BEND3: variants seen among roughly 807,000 people sequenced by gnomAD.
BEND3 encodes BEN domain-containing protein 3.
A neutral mutation model predicts 60.1 loss-of-function variants in BEND3; 13 were observed. The ratio of observed to expected loss-of-function variants is 0.22; its 90% confidence interval spans 0.14 to 0.34. The LOEUF (loss-of-function observed/expected upper bound fraction) is 0.34. Among genes scored for constraint, BEND3 ranks in the 10% least tolerant of loss-of-function variants. The pLI is 1.00. For synonymous variants in BEND3, 497 were observed against 491.5 expected (o/e 1.01, Z -0.15); for missense variants, 896 against 1,138.1 (o/e 0.79, Z 3.06).
Position 107,070,632 on chromosome 6 carries a change from C to A in BEND3, c.559G>T (p.Asp187Tyr). 6.2e-7 allele frequency: 1 copy of A among 1,612,174 alleles called. No homozygotes were observed. The highest frequency in any genetic ancestry group is 1.1e-5 in the South Asian group (1 of 90,998). ...AGGAAGTAGATGTTGGGGTCGTTGT[C>A]AGTGCCTGCCCCGGTGCTGCCACAG... Reference protein sequence around the residue: ...RDCGSTGAGTDNDPNIYFLIQ... With the variant: ...RDCGSTGAGTYNDPNIYFLIQ... The change falls in exon 4 of 4, where the codon GAC (aspartate) becomes TAC (tyrosine). Residue 187 changes from aspartate to tyrosine, a missense_variant. Physicochemically the swap from Asp to Tyr is radical, Grantham distance 160. Around this residue, in one of 4 missense-constraint regions of BEND3, gnomAD observed 846 missense variants for 1,036.7 expected, o/e 0.82. Coordinates refer to ENST00000369042, the MANE Select transcript of BEND3 (RefSeq NM_001367314.1). The surrounding 1 kb of genome is among the most constrained non-coding windows in gnomAD (Gnocchi z 6.9).
At chr6:107,096,448 C>T (rs1455880195) in intron 3 of BEND3, among the ~76,000 whole-genome samples, 6 of 151,810 alleles carry the variant, frequency 4.0e-5, no homozygotes, top group African/African-American at 1.5e-4. Flanking sequence ...CCTGTCTCTA[C>T]TAAAAATACA....
rs1554231334 is a variant in BEND3, at chr6:107,069,108, T to C, written c.2083A>G (p.Ser695Gly). The change falls in exon 4 of 4, where the codon AGC becomes GGC. Residue 695 changes from serine to glycine, a missense_variant. Around this residue, in one of 4 missense-constraint regions of BEND3, gnomAD observed 846 missense variants for 1,036.7 expected, o/e 0.82. Coordinates refer to ENST00000369042, the MANE Select transcript of BEND3 (RefSeq NM_001367314.1). ...AAGGGGATCTTGCAAAAGTCCTTGC[T>C]GCTCCTCTCGGGGGGCAGTGGGGGC... The part of the protein sequence containing the change: ...EGPPLPPERS[S>G]KDFCKIPLDE... The C allele has an allele frequency of 1.9e-6, 3 of 1,612,798 alleles. No individual in the cohort carries two copies. The highest frequency in any genetic ancestry group is 2.5e-6 in the Non-Finnish European group (3 of 1,179,980).
intron 3 of BEND3, among the ~76,000 whole-genome samples, chr6:107,095,670 TA>T (rs1775572029): frequency 6.6e-6 from 1 of 152,142 alleles, no homozygotes; most frequent in South Asian, 2.1e-4. Context: ...AATGAATAAA[TA>T]AACTCTGGTA....
At chr6:107,104,629 T>C (rs1281115712) in intron 1 of BEND3, among the ~76,000 whole-genome samples, 3 of 152,074 alleles carry the variant, frequency 2.0e-5, no homozygotes, top group Non-Finnish European at 4.4e-5. Flanking sequence ...ATAGTGGTTA[T>C]AGTGTATAGT....
At chr6:107,088,919 G>A (rs1301011518) in intron 3 of BEND3, among the ~76,000 whole-genome samples, 1 of 152,138 alleles carries the variant, frequency 6.6e-6, no homozygotes, top group Non-Finnish European at 1.5e-5. Context: ...CTTACCACAG[G>A]TGGATCATCT....
chr6:107,109,654 AC>A (rs1775899730), intron 1 of BEND3, among the ~76,000 whole-genome samples: 2 of 151,984 alleles, frequency 1.3e-5, no homozygotes, highest in Admixed American at 1.3e-4. Flanking sequence ...CGGACGGATC[AC>A]TTGCAGTCAG....
chr6:107,066,221 G>A lies in BEND3; in HGVS notation c.*2483C>T, dbSNP rs186512705. 7.2e-5 allele frequency: 11 copies of A among 152,090 alleles called. No individual in the cohort carries two copies. The highest frequency in any genetic ancestry group is 2.4e-4 in the African/African-American group (10 of 41,476). The allele number at this position is 152,090 out of a possible 1,614,324, so 9.4% of individuals were successfully genotyped here. ...TAAATTTTGAAAAAATAAGTATTTT[G>A]TACTTCTATTGCTTCATGTAAAAAA... On this transcript the variant is annotated 3_prime_UTR_variant, in exon 4 of 4. Coordinates refer to ENST00000369042, the MANE Select transcript of BEND3 (RefSeq NM_001367314.1).
In BEND3 at chr6:107,069,333, G is replaced by A. The variant is rs782237513; in HGVS notation, c.1858C>T (p.Leu620=). Residue 620 remains leucine (L), a synonymous_variant, in exon 4 of 4, where the codon CTG becomes TTG. Transcript: ENST00000369042. The part of the protein sequence containing the change: ...RIKLIRHYVQ[L]LYPRAKNDRV... ...TCGTTTTTGGCGCGTGGGTAGAGCA[G>A]CTGCACGTAGTGGCGGATGAGCTTG... The A allele has an allele frequency of 1.2e-6, 2 of 1,613,256 alleles. No individual in the cohort carries two copies. The highest frequency in any genetic ancestry group is 1.7e-6 in the Non-Finnish European group (2 of 1,179,894).
At chr6:107,089,997 A>T (rs1239697973) in intron 3 of BEND3, among the ~76,000 whole-genome samples, 1 of 152,206 alleles carries the variant, frequency 6.6e-6, no homozygotes, top group Non-Finnish European at 1.5e-5. Context: ...CCAAAGAGCC[A>T]GAATATCCAA....
chr6:107,071,313 C>T (rs982841467), intron 3 of BEND3, among the ~76,000 whole-genome samples: 21 of 152,230 alleles, frequency 1.4e-4, no homozygotes, highest in Admixed American at 4.6e-4. Context: ...AGGAAGGCAA[C>T]GGGCTTGTGC....
intron 1 of BEND3, among the ~76,000 whole-genome samples, chr6:107,109,636 G>A (rs1775899175): frequency 2.0e-5 from 3 of 151,786 alleles, no homozygotes; most frequent in Non-Finnish European, 1.5e-5. Flanking sequence ...CACTTTGGGA[G>A]GCTGAGGCGG....
intron 3 of BEND3, among the ~76,000 whole-genome samples, chr6:107,071,759 CAA>C (rs1251763762): frequency 1.3e-5 from 2 of 151,946 alleles, no homozygotes; most frequent in Non-Finnish European, 2.9e-5. Flanking sequence ...AAATAAATAA[CAA>C]AAAAGAGGTC....
At chr6:107,090,976 C>T (rs775454293) in intron 3 of BEND3, among the ~76,000 whole-genome samples, 9 of 151,560 alleles carry the variant, frequency 5.9e-5, no homozygotes, top group Non-Finnish European at 1.0e-4. Flanking sequence ...CGAGCATGGT[C>T]GTGGGCACCT....
At chr6:107,111,452 A>C (rs1770085665) in intron 1 of BEND3, among the ~76,000 whole-genome samples, 1 of 151,942 alleles carries the variant, frequency 6.6e-6, no homozygotes, top group African/African-American at 2.4e-5. Context: ...CGTAGGATGC[A>C]CTGAGCCGAG....
intron 3 of BEND3, 105 bp from the exon 4 acceptor site, chr6:107,071,055 C>G: frequency 8.9e-7 from 1 of 1,121,054 alleles, no homozygotes; most frequent in East Asian, 2.6e-5. Context: ...ACCTTGGGAG[C>G]ATGTAAGAAA....
intron 3 of BEND3, among the ~76,000 whole-genome samples, chr6:107,085,306 G>A (rs981001663): frequency 5.3e-5 from 8 of 152,108 alleles, no homozygotes; most frequent in African/African-American, 1.4e-4. Flanking sequence ...AAGTCAGTGA[G>A]ACTAAGAATC....
chr6:107,071,381 A>G (rs1417282067), intron 3 of BEND3, among the ~76,000 whole-genome samples: 3 of 146,348 alleles, frequency 2.0e-5, no homozygotes, highest in African/African-American at 7.3e-5. Context: ...GCTCTCAGGA[A>G]GGGACAGAGA....
chr6:107,112,528 A>G (rs985782929), intron 1 of BEND3, among the ~76,000 whole-genome samples: 1 of 152,158 alleles, frequency 6.6e-6, no homozygotes, highest in African/African-American at 2.4e-5. Context: ...TTAGTTCTTC[A>G]GCAAGAAGAT....
At chr6:107,098,089 C>T (rs1554236247) in intron 3 of BEND3, among the ~76,000 whole-genome samples, 1 of 152,062 alleles carries the variant, frequency 6.6e-6, no homozygotes, top group African/African-American at 2.4e-5. Context: ...TCAGGAGGAT[C>T]ACTTGAGGCC....
Sources: gnomAD v4.1 joint callset for allele counts (sites outside exome capture counted in the v4.1 genomes callset) on GRCh38, gnomAD v4.1.1 for gene constraint, gnomAD v4.1.1 regional missense constraint, Gnocchi (gnomAD v3.1) non-coding constraint, MANE v1.5 for transcripts, NCBI Gene and HGNC (gene_info 2026-07-23, HGNC 2026-07-21) for gene names.